The following SP100 variants were observed in gnomAD, a reference collection of about 807,000 sequenced individuals.
SP100 encodes the protein SP100 nuclear body protein.
A neutral mutation model predicts 130.0 loss-of-function variants in SP100; 84 were observed. That is an observed-to-expected ratio of 0.65 (90% CI 0.54 to 0.77). The LOEUF (loss-of-function observed/expected upper bound fraction) is 0.77, where lower values mean the gene tolerates loss of function less well. Among genes scored for constraint, SP100 ranks in the 30% least tolerant of loss-of-function variants. The probability of loss-of-function intolerance (pLI) is 0.00; values close to 1 mark genes in which losing one functional copy is unlikely to be tolerated. For missense variants in SP100, 978 were observed against 1,052.2 expected (o/e 0.93, Z 0.97); for synonymous variants, 331 against 351.7 (o/e 0.94, Z 0.66).
Position 230,467,179 on chromosome 2 carries a change from T to C in SP100, c.1255T>C (p.Ser419Pro), listed in dbSNP as rs1460555925. Residue 419 changes from serine to proline, a missense_variant, in exon 13 of 29, where the codon TCG (serine) becomes CCG (proline). Ser to Pro is a moderately conservative substitution (Grantham distance 74, BLOSUM62 -1). Coordinates refer to ENST00000340126, the MANE Select transcript of SP100 (RefSeq NM_001080391.2). ...SSEEEAPAEASSGALRSKHGE... is the reference protein window; with the variant it reads ...SSEEEAPAEAPSGALRSKHGE... Reference sequence around the variant, plus strand: ...TGAGGAGGAGGCGCCCGCAGAAGCCTCGAGCGGGGCACTGAGAAGCAAGCA... The same window carrying C: ...TGAGGAGGAGGCGCCCGCAGAAGCCCCGAGCGGGGCACTGAGAAGCAAGCA... 11 of 1,613,956 alleles carry C rather than the reference T, an allele frequency of 6.8e-6. No individual in the cohort carries two copies. The highest frequency in any genetic ancestry group is 9.3e-6 in the Non-Finnish European group (11 of 1,179,874).
At chr2:230,451,704 A>C (rs1218502539) in intron 8 of SP100, among the ~76,000 whole-genome samples, 1 of 152,198 alleles carries the variant, frequency 6.6e-6, no homozygotes, top group Non-Finnish European at 1.5e-5. Flanking sequence ...ATACCCAAAA[A>C]ATATTTGCTC....
intron 22 of SP100, among the ~76,000 whole-genome samples, chr2:230,507,755 A>C (rs186759562): frequency 1.3e-5 from 2 of 152,326 alleles, no homozygotes; most frequent in Admixed American, 1.3e-4. Flanking sequence ...AGAAGTTGGG[A>C]GTAATGAGGT....
At position 230,466,346 on chromosome 2, in the gene SP100, A is replaced by AGAAAAGAGGTAAGAGAAAGCTTTAG. The variant is rs778027801; in HGVS notation, c.1195+11_1195+35dup. 5.2e-6 allele frequency: 8 copies of AGAAAAGAGGTAAGAGAAAGCTTTAG among 1,552,560 alleles called. No homozygotes were observed. The Admixed American group carries it at 6.7e-5, about 13-fold the overall frequency. ...TTATCTACATTCAGAGAAAGTTTTAAGAAAAGAGGTAAGAGAAAGCTTTAG... is the reference window on the plus strand; with the variant it reads ...TTATCTACATTCAGAGAAAGTTTTAAGAAAAGAGGTAAGAGAAAGCTTTAGGAAAAGAGGTAAGAGAAAGCTTTAG... On this transcript the variant is annotated stop_gained and frameshift_variant, in exon 12 of 29. Coordinates refer to ENST00000340126, the MANE Select transcript of SP100 (RefSeq NM_001080391.2). LOFTEE classifies it high-confidence loss of function.
intron 24 of SP100, among the ~76,000 whole-genome samples, chr2:230,511,522 A>T (rs1439008893): frequency 6.6e-6 from 1 of 152,180 alleles, no homozygotes; most frequent in Non-Finnish European, 1.5e-5. Context: ...AGCATTTTCA[A>T]GTAGGTGGTG....
chr2:230,481,663 G>A (rs943341436), intron 17 of SP100, among the ~76,000 whole-genome samples: 5 of 152,106 alleles, frequency 3.3e-5, no homozygotes, highest in African/African-American at 7.2e-5. Flanking sequence ...GTGGTTTTCA[G>A]TCGAACCTAG....
At chr2:230,517,655 C>T (rs1690983627) in intron 24 of SP100, among the ~76,000 whole-genome samples, 4 of 151,932 alleles carry the variant, frequency 2.6e-5, no homozygotes, top group Admixed American at 2.6e-4. Flanking sequence ...GTCTCAGATA[C>T]TCAGGAGGCT....
chr2:230,539,500 G>A lies in SP100; in HGVS notation c.2210+118G>A, dbSNP rs77164615. 2,564 of 663,932 alleles carry A rather than the reference G, an allele frequency of 3.9e-3. 47 individuals carry two copies. The African/African-American group carries it at 0.039, about 10-fold the overall frequency. The allele number at this position is 663,932 out of a possible 1,614,324, so 41.1% of individuals were successfully genotyped here. On this transcript the variant is annotated intron_variant, in intron 25 of 28. Transcript: ENST00000340126. ...GGTTATGTGTTTCTTGATGCATAAGGAGCAGGCTCCTTAGCATCAAGATCC... is the reference window on the plus strand; with the variant it reads ...GGTTATGTGTTTCTTGATGCATAAGAAGCAGGCTCCTTAGCATCAAGATCC...
rs898923621 is a variant in SP100 at position 230,502,725 on chromosome 2, G to A, written c.1721-341G>A. Among the ~76,000 whole-genome samples the A allele has an allele frequency of 3.3e-5, 5 of 152,140 alleles. No individual in the cohort carries two copies. The South Asian group carries it at 8.3e-4, about 25-fold the overall frequency. ...ATAGGATACATCTCAGTTAAGCATC[G>A]TGGCTGTAACCGAGTCTAGATCAGA... On this transcript the variant is annotated intron_variant, in intron 19 of 28. Transcript: ENST00000340126.
intron 24 of SP100, among the ~76,000 whole-genome samples, chr2:230,535,249 G>T (rs1040122581): frequency 6.6e-6 from 1 of 152,112 alleles, no homozygotes; most frequent in African/African-American, 2.4e-5. Context: ...GCTTCTTTGG[G>T]GGAGTTCATG....
chr2:230,484,141 C>T lies in SP100; in HGVS notation c.1600+9694C>T, dbSNP rs183230465. Among the ~76,000 whole-genome samples the T allele has an allele frequency of 1.9e-4, 29 of 152,264 alleles. No individual in the cohort carries two copies. The East Asian group carries it at 3.1e-3, about 16-fold the overall frequency. On this transcript the variant is annotated intron_variant, in intron 17 of 28. Transcript: ENST00000340126. Reference sequence around the variant, plus strand: ...AAATTACCAACAAAAAGCACAAAAACGCACACAAAAAAGTGGCACTAAATA... The same window carrying T: ...AAATTACCAACAAAAAGCACAAAAATGCACACAAAAAAGTGGCACTAAATA...
At chr2:230,447,994 G>C (rs2063782738) in intron 5 of SP100, among the ~76,000 whole-genome samples, 1 of 152,176 alleles carries the variant, frequency 6.6e-6, no homozygotes, top group African/African-American at 2.4e-5. Context: ...AAAAGGGGTT[G>C]TTATGAATAA....
intron 24 of SP100, among the ~76,000 whole-genome samples, chr2:230,529,058 T>C (rs572699697): frequency 1.3e-5 from 2 of 152,094 alleles, no homozygotes; most frequent in Non-Finnish European, 2.9e-5. Flanking sequence ...AAAGAGGGAA[T>C]CCTCCCTAAC....
At chr2:230,524,369 A>AG (rs1227162057) in intron 24 of SP100, among the ~76,000 whole-genome samples, 1 of 149,414 alleles carries the variant, frequency 6.7e-6, no homozygotes, top group Non-Finnish European at 1.5e-5. Context: ...AAAAAAAAAA[A>AG]AAGAAAAAGA....
intron 12 of SP100, 65 bp from the exon 13 acceptor site, chr2:230,467,055 T>G: frequency 9.1e-7 from 1 of 1,102,056 alleles, no homozygotes; most frequent in South Asian, 1.3e-5. Flanking sequence ...TCATAGAATA[T>G]TATTCTGACT....
At chr2:230,462,374 T>G in intron 9 of SP100, 61 bp from the exon 10 acceptor site, 1 of 1,311,576 alleles carries the variant, frequency 7.6e-7, no homozygotes, top group Non-Finnish European at 1.1e-6. Context: ...TGGAATTTCC[T>G]GGTGCATGGA....
At chr2:230,441,921 C>T (rs894828901) in intron 2 of SP100, among the ~76,000 whole-genome samples, 3 of 152,180 alleles carry the variant, frequency 2.0e-5, no homozygotes, top group African/African-American at 7.2e-5. Context: ...ACTTTTCTGA[C>T]CACTTTTCAC....
At chr2:230,530,626 A>G (rs1376774081) in intron 24 of SP100, among the ~76,000 whole-genome samples, 1 of 152,248 alleles carries the variant, frequency 6.6e-6, no homozygotes, top group Admixed American at 6.5e-5. Flanking sequence ...AGAACCTATC[A>G]TCAGAGTGAA....
chr2:230,428,521 CA>C (rs2149872266), intron 2 of SP100, among the ~76,000 whole-genome samples: 1 of 151,990 alleles, frequency 6.6e-6, no homozygotes, highest in African/African-American at 2.4e-5. Context: ...CAGCTCACTG[CA>C]AACTCCACCT....
intron 12 of SP100, among the ~76,000 whole-genome samples, 165 bp downstream of exon 12, chr2:230,466,519 A>G (rs1049913709): frequency 3.3e-5 from 5 of 152,220 alleles, no homozygotes; most frequent in African/African-American, 9.6e-5. Flanking sequence ...TAGCCTTTGT[A>G]TTAGGGAGGT....
Sources: allele counts gnomAD v4.1 joint callset (sites outside exome capture counted in the v4.1 genomes callset), GRCh38; gene constraint gnomAD v4.1.1; transcripts MANE v1.5; gene names NCBI Gene and HGNC (gene_info 2026-07-23, HGNC 2026-07-21).